Variants in SLC12A6 observed in about 807,000 individuals in gnomAD.
SLC12A6 encodes the protein solute carrier family 12 member 6.
A neutral mutation model predicts 135.3 loss-of-function variants in SLC12A6; 66 were observed. That is an observed-to-expected ratio of 0.49 (90% CI 0.40 to 0.60). The LOEUF (loss-of-function observed/expected upper bound fraction) is 0.60. Ranked by LOEUF, SLC12A6 falls within the 20% of genes least tolerant of loss-of-function variation. The pLI, the probability that SLC12A6 is intolerant of heterozygous loss-of-function variation, is 0.00. For missense variants in SLC12A6, 1,058 were observed against 1,452.3 expected (o/e 0.73, Z 4.41); for synonymous variants, 513 against 508.8 (o/e 1.01, Z -0.11).
intron 24 of SLC12A6, 120 bp from the exon 25 acceptor site, chr15:34,235,434 T>A: frequency 5.3e-6 from 3 of 570,860 alleles, no homozygotes; most frequent in East Asian, 7.6e-5. Flanking sequence ...TAAAATGATT[T>A]TTTTTTTTTT....
At chr15:34,275,164 T>C (rs1354197372) in intron 3 of SLC12A6, among the ~76,000 whole-genome samples, 181 bp downstream of exon 3, 2 of 152,088 alleles carry the variant, frequency 1.3e-5, no homozygotes, top group Admixed American at 1.3e-4. Context: ...AGTAATCAAT[T>C]ATAGAAGTAG....
chr15:34,271,382 T>G (rs1043937407), intron 3 of SLC12A6, among the ~76,000 whole-genome samples: 6 of 152,082 alleles, frequency 3.9e-5, no homozygotes, highest in African/African-American at 1.4e-4. Flanking sequence ...TACTTTTTTT[T>G]TTTTTTAATC....
chr15:34,306,893 T>C (rs1896639993), intron 2 of SLC12A6, among the ~76,000 whole-genome samples: 1 of 152,194 alleles, frequency 6.6e-6, no homozygotes. Context: ...ATAATTGTTA[T>C]ATAAAAGCAG....
chr15:34,288,611 C>G (rs1481457513), intron 2 of SLC12A6, among the ~76,000 whole-genome samples: 1 of 152,192 alleles, frequency 6.6e-6, no homozygotes, highest in Non-Finnish European at 1.5e-5. Flanking sequence ...TCTTCCTACC[C>G]ATGAGCATAG....
At chr15:34,296,676 C>T (rs948714646) in intron 2 of SLC12A6, among the ~76,000 whole-genome samples, 2 of 152,120 alleles carry the variant, frequency 1.3e-5, no homozygotes, top group South Asian at 2.1e-4. Flanking sequence ...CATATCGATG[C>T]GTTGCTAATG....
intron 2 of SLC12A6, among the ~76,000 whole-genome samples, chr15:34,317,055 A>C (rs533604299): frequency 2.0e-5 from 3 of 152,356 alleles, no homozygotes; most frequent in Non-Finnish European, 2.9e-5. Context: ...AAATACACAC[A>C]GGCCTGAGAC....
intron 3 of SLC12A6, among the ~76,000 whole-genome samples, chr15:34,271,567 T>G (rs1246998904): frequency 6.6e-6 from 1 of 150,968 alleles, no homozygotes. Context: ...CTTGTTTGCT[T>G]GCTAGCTTTC....
chr15:34,255,399 G>C lies in SLC12A6; in HGVS notation c.746-7C>G, dbSNP rs755015626. On this transcript the variant is annotated splice_polypyrimidine_tract_variant and splice_region_variant and intron_variant, in intron 7 of 25. Transcript: ENST00000354181. ...ATAAAGTATGAGCCCCCAGCTAAAA[G>C]ACAAAACAGAAGGTGAATAGAAGAA... 1 of 1,600,056 alleles carries C rather than the reference G, an allele frequency of 6.2e-7. No homozygotes were observed. The highest frequency in any genetic ancestry group is 8.6e-7 in the Non-Finnish European group (1 of 1,167,390).
Position 34,233,557 on chromosome 15 carries a change from A to T in SLC12A6, c.*324T>A. The T allele has an allele frequency of 1.6e-5, 5 of 303,438 alleles. No individual in the cohort carries two copies. Among genetic ancestry groups the T allele is most frequent in the Non-Finnish European group, 2.6e-5 (4 of 156,048 alleles). The allele number at this position is 303,438 out of a possible 1,614,324, so 18.8% of individuals were successfully genotyped here. A position where few individuals can be genotyped will look rare whatever the true frequency, so the allele number is the denominator to read the frequency against. Reference sequence around the variant, plus strand: ...CGTACTTGACTTGCTTTTTTTCTTCAGTTGAATTTCTAGCATCCCTTTTAC... The same window carrying T: ...CGTACTTGACTTGCTTTTTTTCTTCTGTTGAATTTCTAGCATCCCTTTTAC... On this transcript the variant is annotated 3_prime_UTR_variant, in exon 26 of 26. Coordinates refer to ENST00000354181, the MANE Select transcript of SLC12A6 (RefSeq NM_001365088.1).
chr15:34,306,263 G>C (rs1336857103), intron 2 of SLC12A6, among the ~76,000 whole-genome samples: 5 of 152,212 alleles, frequency 3.3e-5, no homozygotes. Flanking sequence ...TGGGTAGGCA[G>C]TGCTGCAGCA....
chr15:34,245,720 G>T lies in SLC12A6; in HGVS notation c.1797C>A (p.Ala599=), dbSNP rs144810445. Residue 599 remains alanine, a synonymous_variant, in exon 14 of 26, where the codon GCC becomes GCA. Coordinates refer to ENST00000354181, the MANE Select transcript of SLC12A6 (RefSeq NM_001365088.1). ...TGAPRLLQAI[A]KDNIIPFLRV... is the part of the protein sequence containing the mutation. Reference sequence around the variant, plus strand: ...TCAGAAACGGTATGATGTTATCCTTGGCAATAGCTTGTAGCAGCCTCGGTG... The same window carrying T: ...TCAGAAACGGTATGATGTTATCCTTTGCAATAGCTTGTAGCAGCCTCGGTG... 6 of 1,613,668 alleles carry T rather than the reference G, an allele frequency of 3.7e-6. No homozygotes were observed. The African/African-American group carries it at 8.0e-5, about 22-fold the overall frequency.
intron 6 of SLC12A6, 76 bp from the exon 7 acceptor site, chr15:34,256,359 C>A: frequency 9.8e-7 from 1 of 1,019,146 alleles, no homozygotes; most frequent in Non-Finnish European, 1.6e-6. Context: ...ATTTGTGTTC[C>A]AAGAGCACTT....
At chr15:34,316,514 T>G (rs1449753274) in intron 2 of SLC12A6, among the ~76,000 whole-genome samples, 1 of 152,226 alleles carries the variant, frequency 6.6e-6, no homozygotes, top group Non-Finnish European at 1.5e-5. Context: ...CAGCAGTTGT[T>G]CACTTGCTAA....
chr15:34,277,813 GA>G lies in SLC12A6; in HGVS notation c.272-2425del, dbSNP rs532885065. 8.5e-5 allele frequency among the ~76,000 whole-genome samples: 13 copies of G among 152,266 alleles called. No individual in the cohort carries two copies. The South Asian group carries it at 2.7e-3, about 32-fold the overall frequency. ...TGTATCTCTCAGGTGTGCAGGAACA[GA>G]AAAGTTGAGAACCTCATATTTTAAT... On this transcript the variant is annotated intron_variant, in intron 2 of 25. Transcript: ENST00000354181.
At position 34,254,496 on chromosome 15, in the gene SLC12A6, C is replaced by G; in HGVS notation, c.970G>C (p.Ala324Pro). The stretch of plus-strand genomic sequence containing the variant: ...ACTAATACCATAAGGACCAAGAAAG[C>G]TGTGCCGTAGACACGCATGTTATTT... ...MLNNMRVYGT[A>P]FLVLMVLVVF... Residue 324 changes from alanine (A) to proline (P), a missense_variant, in exon 9 of 26, where the codon GCT (alanine) becomes CCT (proline). Physicochemically the swap from Ala to Pro is conservative, Grantham distance 27 (BLOSUM62 -1). Around this residue, in one of 6 missense-constraint regions of SLC12A6, gnomAD observed 297 missense variants for 318.5 expected, o/e 0.93. Coordinates refer to ENST00000354181, the MANE Select transcript of SLC12A6 (RefSeq NM_001365088.1). The G allele has an allele frequency of 6.2e-7, 1 of 1,613,834 alleles. No homozygotes were observed. The highest frequency in any genetic ancestry group is 1.6e-4 in the Middle Eastern group (1 of 6,062).
At chr15:34,293,627 T>A (rs138990471) in intron 2 of SLC12A6, among the ~76,000 whole-genome samples, 1 of 152,284 alleles carries the variant, frequency 6.6e-6, no homozygotes, top group East Asian at 1.9e-4. Flanking sequence ...TGAGACAAAG[T>A]CTCGCTCTGA....
At chr15:34,333,558 A>G (rs956762390) in intron 2 of SLC12A6, among the ~76,000 whole-genome samples, 1 of 152,032 alleles carries the variant, frequency 6.6e-6, no homozygotes, top group Non-Finnish European at 1.5e-5. Flanking sequence ...CTCACTTTCC[A>G]GAGGCATCCA....
chr15:34,336,707 T>TG lies in SLC12A6; in HGVS notation c.-28dup. 1 of 1,610,132 alleles carries TG rather than the reference T, an allele frequency of 6.2e-7. No homozygotes were observed. The highest frequency in any genetic ancestry group is 1.1e-5 in the South Asian group (1 of 90,990). On this transcript the variant is annotated 5_prime_UTR_variant, in exon 2 of 26. Transcript: ENST00000354181. ...TTGTTCTTTTTAAGAACAAAAAAAG[T>TG]GGGGGGAACCTCGCAAAATCTTCCT...
rs942343004 is a variant in SLC12A6, at chr15:34,260,899, A to T, written c.411+27T>A. ...ATGAGATCTCTGTTCCTAAAGTCTC[A>T]GTCCATAGTTTTCTCCAAAATATTA... On this transcript the variant is annotated intron_variant, in intron 4 of 25. Coordinates refer to ENST00000354181, the MANE Select transcript of SLC12A6 (RefSeq NM_001365088.1). 3 of 933,256 alleles carry T rather than the reference A, an allele frequency of 3.2e-6. No individual in the cohort carries two copies. In the African/African-American group the frequency reaches 4.8e-5, roughly 15 times the overall value. The allele number at this position is 933,256 out of a possible 1,614,324, so 57.8% of individuals were successfully genotyped here. A position where few individuals can be genotyped will look rare whatever the true frequency, so the allele number is the denominator to read the frequency against.
Sources: gnomAD v4.1 joint callset for allele counts (sites outside exome capture counted in the v4.1 genomes callset) on GRCh38, gnomAD v4.1.1 for gene constraint, gnomAD v4.1.1 regional missense constraint, MANE v1.5 for transcripts, NCBI Gene and HGNC (gene_info 2026-07-23, HGNC 2026-07-21) for gene names.